Variants in ESR1 observed in about 807,000 individuals in gnomAD.
The protein encoded by ESR1 is estrogen receptor.
ESR1 carries 12 observed loss-of-function variants against 52.7 expected under a neutral mutation model. The ratio of observed to expected loss-of-function variants is 0.23; its 90% CI spans 0.15 to 0.37. ESR1 has a LOEUF of 0.37. ESR1 is among the 10% of genes least tolerant of loss of function. The pLI is 1.00. For synonymous variants in ESR1, 305 were observed against 316.8 expected (o/e 0.96, Z 0.39); for missense variants, 584 against 779.7 (o/e 0.75, Z 2.99).
intron 2 of ESR1, among the ~76,000 whole-genome samples, chr6:151,864,244 A>G (rs1180702909): frequency 6.6e-6 from 1 of 152,238 alleles, no homozygotes; most frequent in Non-Finnish European, 1.5e-5. Context: ...CAAATTTACA[A>G]GAAAAAAGGA....
chr6:151,704,185 T>C (rs1780006890), intron 2 of ESR1, among the ~76,000 whole-genome samples: 1 of 152,232 alleles, frequency 6.6e-6, no homozygotes, highest in Non-Finnish European at 1.5e-5. Context: ...ACTCCCACTC[T>C]TTCATATTTT....
intron 3 of ESR1, among the ~76,000 whole-genome samples, chr6:151,928,946 A>T (rs372806988): frequency 6.6e-6 from 1 of 151,866 alleles, no homozygotes; most frequent in East Asian, 1.9e-4. Context: ...TGTTCTTTTA[A>T]ATTTGTTAAG....
intron 2 of ESR1, among the ~76,000 whole-genome samples, chr6:151,704,524 G>A (rs529183912): frequency 1.8e-4 from 28 of 152,268 alleles, no homozygotes; most frequent in African/African-American, 6.3e-4. Context: ...CAAAGTGTTG[G>A]GATTACAGGC....
At chr6:151,987,243 AC>A (rs1219971940) in intron 4 of ESR1, among the ~76,000 whole-genome samples, 1 of 151,934 alleles carries the variant, frequency 6.6e-6, no homozygotes, top group Non-Finnish European at 1.5e-5. Context: ...TCAGGAATTC[AC>A]CAAAGTCTTT....
intron 6 of ESR1, among the ~76,000 whole-genome samples, chr6:152,088,793 A>T (rs1253455767): frequency 6.6e-6 from 1 of 152,242 alleles, no homozygotes; most frequent in Non-Finnish European, 1.5e-5. Context: ...ATCCAGTTTC[A>T]GGTATTCTGT....
intron 1 of ESR1, among the ~76,000 whole-genome samples, chr6:151,680,558 G>A (rs1400988998): frequency 1.3e-5 from 2 of 152,066 alleles, no homozygotes; most frequent in African/African-American, 4.8e-5. Flanking sequence ...GAGCTCTTTT[G>A]TTTCTTTTAT....
At position 152,018,268 on chromosome 6, in the gene ESR1, C is replaced by T. The variant is rs185659425; in HGVS notation, c.1235+6474C>T. Among the ~76,000 whole-genome samples, 123 of 150,400 alleles carry T rather than the reference C, an allele frequency of 8.2e-4. 1 individual carries two copies. The highest frequency in any genetic ancestry group is 2.9e-3 in the African/African-American group (118 of 40,942). On this transcript the variant is annotated intron_variant, in intron 5 of 7. Coordinates refer to ENST00000206249, the MANE Select transcript of ESR1 (RefSeq NM_000125.4). ...CATTCTCTACAAACAAGAACATTTTCATTTTAGGTTGTTTATTGTAAATAT... is the reference window on the plus strand; with the variant it reads ...CATTCTCTACAAACAAGAACATTTTTATTTTAGGTTGTTTATTGTAAATAT...
rs528185867 is a variant in ESR1, at chr6:151,875,656, A to G, written c.644-4999A>G. Among the ~76,000 whole-genome samples the G allele has an allele frequency of 5.9e-5, 9 of 152,304 alleles. No individual in the cohort carries two copies. The South Asian group carries it at 1.2e-3, about 21-fold the overall frequency. On this transcript the variant is annotated intron_variant, in intron 2 of 7. Coordinates refer to ENST00000206249, the MANE Select transcript of ESR1 (RefSeq NM_000125.4). ...GATAAGATTTCACAGAGGAACTGAC[A>G]TCTTGACTGGCACACTTAGAAGATG... is the stretch of plus-strand genomic sequence containing the variant.
intron 3 of ESR1, among the ~76,000 whole-genome samples, chr6:151,899,881 C>T (rs1015115914): frequency 1.3e-4 from 20 of 151,556 alleles, no homozygotes; most frequent in African/African-American, 3.9e-4. Context: ...GATGGGATGG[C>T]GGCTGGGCAG....
intron 2 of ESR1, among the ~76,000 whole-genome samples, chr6:151,712,908 C>T (rs960857025): frequency 5.9e-5 from 9 of 152,142 alleles, no homozygotes; most frequent in South Asian, 2.1e-4. Context: ...ATATCCTTGT[C>T]TGGTGCTGGT....
rs564702503 is a variant in ESR1 at position 151,787,731 on chromosome 6, G to C, written c.-70-20112G>C. On this transcript the variant is annotated intron_variant, in intron 2 of 2. Coordinates refer to the ESR1 transcript ENST00000404742. ...AGTTTGCTGAAGTTGTTTATCAGCT[G>C]AAGGAGCTTTTGGGCCAACACTATG... Among the ~76,000 whole-genome samples, 633 of 152,250 alleles carry C rather than the reference G, an allele frequency of 4.2e-3. 3 individuals are homozygous for C. Among genetic ancestry groups the C allele is most frequent in the African/African-American group, 0.015 (612 of 41,550 alleles).
chr6:151,728,285 T>A (rs141378685), intron 2 of ESR1, among the ~76,000 whole-genome samples: 1 of 152,322 alleles, frequency 6.6e-6, no homozygotes, highest in African/African-American at 2.4e-5. Flanking sequence ...TCTCAGCCCA[T>A]AGAAGTAATT....
intron 5 of ESR1, among the ~76,000 whole-genome samples, chr6:152,032,001 A>C (rs1221762203): frequency 7.9e-5 from 12 of 152,226 alleles, no homozygotes; most frequent in Non-Finnish European, 1.6e-4. Flanking sequence ...CAAGTCAATA[A>C]ACATAATCCA....
At chr6:151,787,253 G>A (rs914582432) in intron 2 of ESR1, among the ~76,000 whole-genome samples, 22 of 152,206 alleles carry the variant, frequency 1.4e-4, no homozygotes, top group African/African-American at 4.8e-4. Flanking sequence ...TAGCCCTGTA[G>A]TATGGTTTGA....
At chr6:152,024,253 A>G (rs908597981) in intron 5 of ESR1, among the ~76,000 whole-genome samples, 1 of 152,128 alleles carries the variant, frequency 6.6e-6, no homozygotes, top group African/African-American at 2.4e-5. Flanking sequence ...TTAATGGATC[A>G]ATATCACATA....
At chr6:152,019,460 G>A (rs1217554212) in intron 5 of ESR1, among the ~76,000 whole-genome samples, 1 of 152,188 alleles carries the variant, frequency 6.6e-6, no homozygotes, top group Non-Finnish European at 1.5e-5. Flanking sequence ...TAAGCTGCAA[G>A]TCAAAATTCT....
At chr6:152,044,209 A>T (rs113191254) in intron 5 of ESR1, among the ~76,000 whole-genome samples, 1 of 152,170 alleles carries the variant, frequency 6.6e-6, no homozygotes, top group Admixed American at 6.5e-5. Context: ...TTTATTTTGC[A>T]TAACTCTCTA....
intron 5 of ESR1, among the ~76,000 whole-genome samples, chr6:152,032,942 G>A (rs1470023501): frequency 6.6e-6 from 1 of 152,114 alleles, no homozygotes; most frequent in Admixed American, 6.6e-5. Context: ...CCAAAACAGA[G>A]ATATAGACCA....
intron 2 of ESR1, among the ~76,000 whole-genome samples, chr6:151,759,311 A>G (rs1468775322): frequency 6.6e-6 from 1 of 151,698 alleles, no homozygotes; most frequent in East Asian, 1.9e-4. Flanking sequence ...ATAAAACCAG[A>G]ATATTCCTGT....
Sources: gnomAD v4.1 joint callset for allele counts (sites outside exome capture counted in the v4.1 genomes callset) on GRCh38, gnomAD v4.1.1 for gene constraint, MANE v1.5 for transcripts, NCBI Gene and HGNC (gene_info 2026-07-23, HGNC 2026-07-21) for gene names.